SAMTOR: variants seen among roughly 807,000 people sequenced by gnomAD.
The protein encoded by SAMTOR is S-adenosylmethionine sensor upstream of mTORC1, also known as UPF0532 protein C7orf60.
chr7:112,890,400 G>A, the SAMTOR span, among the ~76,000 whole-genome samples: 1 of 151,598 alleles, frequency 6.6e-6, no homozygotes, highest in African/African-American at 2.4e-5. Flanking sequence ...AACATAATAA[G>A]GGAGACAGAT....
At chr7:112,844,324 G>A in the SAMTOR span, among the ~76,000 whole-genome samples, 1 of 152,040 alleles carries the variant, frequency 6.6e-6, no homozygotes, top group African/African-American at 2.4e-5. Flanking sequence ...ATAATAGAAA[G>A]GAAGTCAAAC....
At chr7:112,927,067 T>C in the SAMTOR span, among the ~76,000 whole-genome samples, 3 of 152,038 alleles carry the variant, frequency 2.0e-5, no homozygotes, top group Non-Finnish European at 4.4e-5. Flanking sequence ...AGTATTTTCA[T>C]AATAGCCCAT....
the SAMTOR span, among the ~76,000 whole-genome samples, chr7:112,930,312 C>T: frequency 6.6e-6 from 1 of 152,074 alleles, no homozygotes; most frequent in African/African-American, 2.4e-5. Context: ...TACAGTGACA[C>T]ATCTAAAAGT....
At chr7:112,850,941 A>G in the SAMTOR span, among the ~76,000 whole-genome samples, 4 of 152,226 alleles carry the variant, frequency 2.6e-5, no homozygotes, top group African/African-American at 9.6e-5. Context: ...GATCTGACGG[A>G]GAACCAAATC....
chr7:112,889,522 G>C, the SAMTOR span, among the ~76,000 whole-genome samples: 1 of 152,068 alleles, frequency 6.6e-6, no homozygotes, highest in Non-Finnish European at 1.5e-5. Context: ...ACACACAATG[G>C]GGACTGATGC....
chr7:112,921,852 T>C, the SAMTOR span, among the ~76,000 whole-genome samples: 4 of 148,110 alleles, frequency 2.7e-5, no homozygotes, highest in Non-Finnish European at 4.5e-5. Flanking sequence ...TCACCATCAC[T>C]GGCCATCAGA....
At chr7:112,896,203 A>G in the SAMTOR span, among the ~76,000 whole-genome samples, 1 of 151,440 alleles carries the variant, frequency 6.6e-6, no homozygotes, top group Non-Finnish European at 1.5e-5. Context: ...GCACGCGCGC[A>G]CGCGCGTGTG....
chr7:112,896,736 TA>T, the SAMTOR span, among the ~76,000 whole-genome samples: 1 of 152,020 alleles, frequency 6.6e-6, no homozygotes, highest in Non-Finnish European at 1.5e-5. Context: ...TATATAACAA[TA>T]AAAAACATGA....
At chr7:112,896,341 C>G in the SAMTOR span, among the ~76,000 whole-genome samples, 11 of 152,192 alleles carry the variant, frequency 7.2e-5, no homozygotes, top group Admixed American at 3.3e-4. Flanking sequence ...GCTATTTTAT[C>G]ATTCTCCACA....
chr7:112,922,683 C>T, the SAMTOR span, among the ~76,000 whole-genome samples: 1 of 150,846 alleles, frequency 6.6e-6, no homozygotes, highest in African/African-American at 2.4e-5. Flanking sequence ...CTCTGCCCGG[C>T]CGCCCCGTCT....
At chr7:112,902,462 C>CAAAAAAAAAAA in the SAMTOR span, among the ~76,000 whole-genome samples, 40 of 83,692 alleles carry the variant, frequency 4.8e-4, no homozygotes, top group East Asian at 2.1e-3. Flanking sequence ...AAAAAAAAAC[C>CAAAAAAAAAAA]AAAAAAGTTG....
At chr7:112,906,070 T>G in the SAMTOR span, among the ~76,000 whole-genome samples, 2 of 152,176 alleles carry the variant, frequency 1.3e-5, no homozygotes, top group Non-Finnish European at 2.9e-5. Context: ...CATATATATA[T>G]GTACACACAC....
chr7:112,843,842 G>A, the SAMTOR span, among the ~76,000 whole-genome samples: 32 of 151,372 alleles, frequency 2.1e-4, no homozygotes, highest in Non-Finnish European at 3.7e-4. Context: ...AACAAAAAAA[G>A]AAATATCCTT....
chr7:112,923,095 A>T, the SAMTOR span, among the ~76,000 whole-genome samples: 1 of 152,208 alleles, frequency 6.6e-6, no homozygotes, highest in Non-Finnish European at 1.5e-5. Flanking sequence ...GTGTAGAAAG[A>T]AGTAGACATG....
the SAMTOR span, among the ~76,000 whole-genome samples, chr7:112,922,079 C>T: frequency 5.3e-4 from 80 of 152,266 alleles, 3 homozygotes; most frequent in East Asian, 0.011. Flanking sequence ...CATCAGCCTG[C>T]CGAGTGCCTG....
At chr7:112,874,830 T>G in the SAMTOR span, among the ~76,000 whole-genome samples, 1 of 152,138 alleles carries the variant, frequency 6.6e-6, no homozygotes, top group Non-Finnish European at 1.5e-5. Context: ...TGAAAATATA[T>G]CATTCTATGT....
At chr7:112,832,764 G>T in the SAMTOR span, 1 of 819,774 alleles carries the variant, frequency 1.2e-6, no homozygotes, top group South Asian at 1.6e-5. Context: ...TTTGGTCTCA[G>T]GACCCTTTTA....
chr7:112,915,505 A>G, the SAMTOR span: 2 of 1,388,440 alleles, frequency 1.4e-6, no homozygotes, highest in Non-Finnish European at 1.9e-6. Context: ...GACTCTTGAA[A>G]TAAGTTTTAG....
At chr7:112,926,128 G>A in the SAMTOR span, among the ~76,000 whole-genome samples, 1 of 152,132 alleles carries the variant, frequency 6.6e-6, no homozygotes, top group Admixed American at 6.5e-5. Context: ...AGCAGTGTGG[G>A]AGAAAGGCAG....
Sources: allele counts gnomAD v4.1 joint callset (sites outside exome capture counted in the v4.1 genomes callset), GRCh38; gene constraint gnomAD v4.1.1; transcripts MANE v1.5; gene names NCBI Gene and HGNC (gene_info 2026-07-23, HGNC 2026-07-21).